Variants in VPS13D observed in about 807,000 individuals in gnomAD.
VPS13D encodes intermembrane lipid transfer protein VPS13D.
A neutral mutation model predicts 461.9 loss-of-function variants in VPS13D; 187 were observed. The observed-to-expected ratio is 0.40, with a 90% CI of 0.36 to 0.46. The LOEUF (loss-of-function observed/expected upper bound fraction) is 0.46, where lower values mean the gene tolerates loss of function less well. Among genes scored for constraint, VPS13D ranks in the 20% least tolerant of loss-of-function variants. VPS13D has a pLI of 0.60. For missense variants in VPS13D, 4,711 were observed against 5,364.9 expected (o/e 0.88, Z 3.81); for synonymous variants, 1,951 against 1,986.3 (o/e 0.98, Z 0.47).
intron 66 of VPS13D, among the ~76,000 whole-genome samples, chr1:12,456,930 T>A (rs1645337917): frequency 6.6e-6 from 1 of 152,246 alleles, no homozygotes; most frequent in African/African-American, 2.4e-5. Flanking sequence ...TGATCATTCC[T>A]TCCAAAGAAA....
intron 16 of VPS13D, 48 bp downstream of exon 16, chr1:12,268,924 T>C (rs1175170657): frequency 6.4e-7 from 1 of 1,571,894 alleles, no homozygotes. Flanking sequence ...GAAAAACATC[T>C]TTATTGTTAT....
At position 12,299,338 on chromosome 1, in the gene VPS13D, A is replaced by G. The variant is rs1183294129; in HGVS notation, c.6170A>G (p.Lys2057Arg). 3 of 1,613,880 alleles carry G rather than the reference A, an allele frequency of 1.9e-6. No homozygotes were observed. Among genetic ancestry groups the G allele is most frequent in the East Asian group, 4.5e-5 (2 of 44,880 alleles). ...ANLGKLKVKNKFLFAGFPGTF... is the reference protein window; with the variant it reads ...ANLGKLKVKNRFLFAGFPGTF... ...TTGGGGAAGTTGAAAGTCAAAAATA[A>G]GTTTCTGTTTGCTGGTTTTCCTGGC... The change falls in exon 25 of 70, where the codon AAG (lysine) becomes AGG (arginine). Residue 2057 changes from lysine (K) to arginine (R), a missense_variant. Lys to Arg is a conservative substitution (Grantham distance 26). Coordinates refer to ENST00000620676, the MANE Select transcript of VPS13D (RefSeq NM_015378.4). The surrounding 1 kb of genome is among the most constrained non-coding windows in gnomAD (Gnocchi z 4.2).
At chr1:12,355,001 C>T (rs995394677) in intron 47 of VPS13D, among the ~76,000 whole-genome samples, 1 of 152,148 alleles carries the variant, frequency 6.6e-6, no homozygotes, top group Admixed American at 6.5e-5. Flanking sequence ...AGGGATGCCT[C>T]GTGGTCAGAA....
rs200878078 is a variant in VPS13D, at chr1:12,349,346, A to G, written c.9403A>G (p.Met3135Val). 7.4e-6 allele frequency: 12 copies of G among 1,614,074 alleles called. No homozygotes were observed. The highest frequency in any genetic ancestry group is 2.2e-5 in the South Asian group (2 of 91,084). The change falls in exon 46 of 70, where the codon ATG (methionine) becomes GTG (valine). Residue 3135 changes from methionine to valine, a missense_variant. Physicochemically the swap from Met to Val is conservative, Grantham distance 21 (BLOSUM62 1). This residue lies in a region of VPS13D where 4,411 missense variants were observed against 4,937.8 expected (regional missense o/e 0.89). Transcript: ENST00000620676. ...ISSSKRECHS[M>V]DTEKSRFFRF... ...TAGCAGTAAACGAGAGTGCCACTCT[A>G]TGGACACAGAAAAAAGCCGATTTTT...
In VPS13D at chr1:12,385,453, G is replaced by A. The variant is rs984802280; in HGVS notation, c.11484+80G>A. 29 of 1,160,664 alleles carry A rather than the reference G, an allele frequency of 2.5e-5. No homozygotes were observed. In the African/African-American group the frequency reaches 3.0e-4, roughly 12 times the overall value. 71.9% of individuals were successfully genotyped at this position (1,160,664 alleles called of 1,614,324 possible). On this transcript the variant is annotated intron_variant, in intron 59 of 69. Transcript: ENST00000620676. ...TACTTGGTGGTATTTTAGACCTTCT[G>A]TTTTCTTTCTATCCTGTATGATTCT...
intron 67 of VPS13D, among the ~76,000 whole-genome samples, chr1:12,460,666 A>G (rs896789011): frequency 6.6e-6 from 1 of 150,734 alleles, no homozygotes; most frequent in Non-Finnish European, 1.5e-5. Context: ...CATATTATAT[A>G]TAAGTATGTA....
At chr1:12,347,934 G>A (rs1251373072) in intron 44 of VPS13D, among the ~76,000 whole-genome samples, 1 of 152,172 alleles carries the variant, frequency 6.6e-6, no homozygotes, top group African/African-American at 2.4e-5. Flanking sequence ...CGTAATGGCG[G>A]TAACCCAAGA....
chr1:12,277,919 C>CTGT lies in VPS13D; in HGVS notation c.4334_4336dup (p.Val1445dup), dbSNP rs1403900665. 6.2e-7 allele frequency: 1 copy of CTGT among 1,614,038 alleles called. No individual in the cohort carries two copies. The highest frequency in any genetic ancestry group is 8.5e-7 in the Non-Finnish European group (1 of 1,180,034). ...TGCACCCAGTTGGCAGGTAGAGAAG[C>CTGT]TGTTGGGTCTGAAGGAAGCCGGATG... On this transcript the variant is annotated inframe_insertion, in exon 19 of 70. Coordinates refer to ENST00000620676, the MANE Select transcript of VPS13D (RefSeq NM_015378.4).
At chr1:12,312,043 CAGAGT>C in intron 29 of VPS13D, 118 bp downstream of exon 29, 2 of 683,046 alleles carry the variant, frequency 2.9e-6, no homozygotes, top group South Asian at 2.8e-5. Context: ...ATGTTGTCTG[CAGAGT>C]GTCTTTTGGT....
intron 2 of VPS13D, among the ~76,000 whole-genome samples, chr1:12,241,883 C>T (rs1640387618): frequency 6.6e-6 from 1 of 152,040 alleles, no homozygotes; most frequent in Non-Finnish European, 1.5e-5. Context: ...AATTTCTGTG[C>T]TTCAATCCCA....
intron 44 of VPS13D, among the ~76,000 whole-genome samples, 192 bp from the exon 45 acceptor site, chr1:12,348,630 AT>A (rs555444891): frequency 3.0e-4 from 45 of 148,956 alleles, no homozygotes; most frequent in East Asian, 2.9e-3. Context: ...ACTTTTTAGA[AT>A]TTTTTTTTTT....
Position 12,327,711 on chromosome 1 carries a change from T to C in VPS13D, c.8054T>C (p.Leu2685Ser). The C allele has an allele frequency of 6.2e-7, 1 of 1,614,124 alleles. No individual in the cohort carries two copies. The highest frequency in any genetic ancestry group is 8.5e-7 in the Non-Finnish European group (1 of 1,179,986). The change falls in exon 36 of 70, where the codon TTG becomes TCG. Residue 2685 changes from leucine (L) to serine (S), a missense_variant. By Grantham distance (145) the Leu-to-Ser change is moderately radical (BLOSUM62 -2). Around this residue, in one of 3 missense-constraint regions of VPS13D, gnomAD observed 4,411 missense variants for 4,937.8 expected, o/e 0.89. Transcript: ENST00000620676. Reference sequence around the variant, plus strand: ...GCGGAACCTCTGAAGTCTCTTTCCTTGGCCTCCACCAGCCGAGATAGCCCA... The same window carrying C: ...GCGGAACCTCTGAAGTCTCTTTCCTCGGCCTCCACCAGCCGAGATAGCCCA... ...KNAEPLKSLS[L>S]ASTSRDSPGA... is the part of the protein sequence containing the mutation.
intron 24 of VPS13D, among the ~76,000 whole-genome samples, chr1:12,298,084 G>A (rs1265852662): frequency 6.6e-6 from 1 of 152,114 alleles, no homozygotes; most frequent in Admixed American, 6.5e-5. Context: ...AATAATAATA[G>A]CTGTTACATT....
chr1:12,281,313 T>C (rs1569790398), intron 20 of VPS13D, among the ~76,000 whole-genome samples: 1 of 152,204 alleles, frequency 6.6e-6, no homozygotes. Flanking sequence ...ATACAGACAA[T>C]TGGAAGCATT....
At chr1:12,259,043 T>G (rs1481931609) in intron 10 of VPS13D, among the ~76,000 whole-genome samples, 2 of 147,658 alleles carry the variant, frequency 1.4e-5, no homozygotes, top group Middle Eastern at 6.9e-3. Context: ...TTTCTTCTTC[T>G]TCTTTTTTTT....
At chr1:12,447,431 C>G (rs1224376531) in intron 65 of VPS13D, among the ~76,000 whole-genome samples, 1 of 152,110 alleles carries the variant, frequency 6.6e-6, no homozygotes, top group Non-Finnish European at 1.5e-5. Flanking sequence ...TGATGAGAGG[C>G]CCCAAAGACA....
At chr1:12,318,702 GA>G (rs1461811157) in intron 31 of VPS13D, among the ~76,000 whole-genome samples, 6 of 152,192 alleles carry the variant, frequency 3.9e-5, no homozygotes, top group African/African-American at 1.4e-4. Context: ...TTTCGTATGT[GA>G]AAACCTCAGT....
At chr1:12,475,629 G>A (rs188389689) in intron 67 of VPS13D, among the ~76,000 whole-genome samples, 130 of 152,288 alleles carry the variant, frequency 8.5e-4, no homozygotes, top group Middle Eastern at 3.4e-3. Context: ...TCTCATCCCC[G>A]CAAGGGATTG....
In VPS13D at chr1:12,356,018, C is replaced by A. The variant is rs140427465; in HGVS notation, c.9799C>A (p.Arg3267=). ...VNRRQLNLTI[R]IVCRAEGSLK... is the part of the protein sequence containing the mutation. ...CCGTCGGCAGCTGAACCTCACCATCCGGATTGTGTGTCGAGCAGAAGGATC... is the reference window on the plus strand; with the variant it reads ...CCGTCGGCAGCTGAACCTCACCATCAGGATTGTGTGTCGAGCAGAAGGATC... The change falls in exon 48 of 70, where the codon CGG becomes AGG. Residue 3267 remains arginine, a synonymous_variant. Coordinates refer to ENST00000620676, the MANE Select transcript of VPS13D (RefSeq NM_015378.4). 1 of 1,613,954 alleles carries A rather than the reference C, an allele frequency of 6.2e-7. No homozygotes were observed. The highest frequency in any genetic ancestry group is 1.3e-5 in the African/African-American group (1 of 74,896).
Sources: gnomAD v4.1 joint callset for allele counts (sites outside exome capture counted in the v4.1 genomes callset) on GRCh38, gnomAD v4.1.1 for gene constraint, gnomAD v4.1.1 regional missense constraint, Gnocchi (gnomAD v3.1) non-coding constraint, MANE v1.5 for transcripts, NCBI Gene and HGNC (gene_info 2026-07-23, HGNC 2026-07-21) for gene names.